FNBP1: variants seen among roughly 807,000 people sequenced by gnomAD.
The protein encoded by FNBP1 is formin binding protein 1.
In FNBP1, 26 loss-of-function variants were observed where a neutral mutation model predicts 90.6. That is an observed-to-expected ratio of 0.29 (90% CI 0.21 to 0.40). The LOEUF (loss-of-function observed/expected upper bound fraction) is 0.40. Among genes scored for constraint, FNBP1 ranks in the 10% least tolerant of loss-of-function variants. The pLI is 1.00. For missense variants in FNBP1, 635 were observed against 768.0 expected (o/e 0.83, Z 2.05); for synonymous variants, 260 against 265.2 (o/e 0.98, Z 0.19).
At chr9:129,983,522 A>C (rs2051628095) in intron 2 of FNBP1, among the ~76,000 whole-genome samples, 1 of 152,198 alleles carries the variant, frequency 6.6e-6, no homozygotes, top group South Asian at 2.1e-4. Context: ...CCGTTATTTA[A>C]AAAATGAACA....
At chr9:129,903,656 T>A (rs1324488893) in intron 12 of FNBP1, among the ~76,000 whole-genome samples, 1 of 152,038 alleles carries the variant, frequency 6.6e-6, no homozygotes, top group Non-Finnish European at 1.5e-5. Context: ...AAATTTTTAA[T>A]TAATTAATTT....
chr9:129,994,676 T>A (rs2053715048), intron 2 of FNBP1, among the ~76,000 whole-genome samples, 167 bp downstream of exon 2: 1 of 152,232 alleles, frequency 6.6e-6, no homozygotes. Flanking sequence ...TTTTTAATGT[T>A]CTATGAAAAT....
chr9:129,956,592 C>T (rs1262914170), intron 6 of FNBP1, among the ~76,000 whole-genome samples: 2 of 152,154 alleles, frequency 1.3e-5, no homozygotes, highest in Non-Finnish European at 1.5e-5. Context: ...CTGAAATATG[C>T]AAGGCTTCAA....
At chr9:129,905,093 G>A (rs997435597) in intron 12 of FNBP1, among the ~76,000 whole-genome samples, 7 of 151,462 alleles carry the variant, frequency 4.6e-5, no homozygotes, top group Admixed American at 2.0e-4. Context: ...AACCCGTCTC[G>A]TCTCTTGACT....
chr9:129,974,158 A>T (rs1002425183), intron 4 of FNBP1, among the ~76,000 whole-genome samples: 1 of 151,410 alleles, frequency 6.6e-6, no homozygotes, highest in Non-Finnish European at 1.5e-5. Flanking sequence ...GCAGATGAGG[A>T]TGTTCATACT....
intron 13 of FNBP1, among the ~76,000 whole-genome samples, 200 bp downstream of exon 13, chr9:129,902,669 G>A (rs1375410442): frequency 2.0e-5 from 3 of 152,122 alleles, no homozygotes; most frequent in Non-Finnish European, 4.4e-5. Flanking sequence ...TTACAGCCAC[G>A]ATTAAGATAG....
chr9:129,923,001 A>ATGAGACAC (rs1316061866), intron 10 of FNBP1, among the ~76,000 whole-genome samples: 1 of 151,760 alleles, frequency 6.6e-6, no homozygotes, highest in African/African-American at 2.4e-5. Flanking sequence ...GATTACAGGC[A>ATGAGACAC]TGAGACACTG....
chr9:130,009,026 C>T (rs1004681868), intron 1 of FNBP1, among the ~76,000 whole-genome samples: 6 of 152,070 alleles, frequency 3.9e-5, no homozygotes, highest in African/African-American at 1.4e-4. Flanking sequence ...AAGAAAAAGC[C>T]AGATTTTTAA....
At chr9:129,923,707 T>G in intron 10 of FNBP1, 137 bp downstream of exon 10, 1 of 1,037,894 alleles carries the variant, frequency 9.6e-7, no homozygotes, top group Non-Finnish European at 1.3e-6. Context: ...CTATAATGGT[T>G]TTTGTTTTTT....
At chr9:130,049,526 C>T in the FNBP1 span, among the ~76,000 whole-genome samples, 10 of 152,000 alleles carry the variant, frequency 6.6e-5, no homozygotes, top group Admixed American at 2.0e-4. Flanking sequence ...CCAGCCTGGG[C>T]AACATGGCGA....
At chr9:129,921,894 G>A (rs1434454640) in intron 10 of FNBP1, among the ~76,000 whole-genome samples, 1 of 152,182 alleles carries the variant, frequency 6.6e-6, no homozygotes, top group South Asian at 2.1e-4. Flanking sequence ...ACTCAAGAAA[G>A]GATGGCATCC....
In FNBP1 at chr9:129,979,817, AT is replaced by A; in HGVS notation, c.141-444del. On this transcript the variant is annotated intron_variant, in intron 2 of 16. Transcript: ENST00000446176. ...ACCACATCTGGCTAATTTTTTTTGT[AT>A]TTTTAGTAGAGATGGGGTGTCATCA... Among the ~76,000 whole-genome samples the A allele has an allele frequency of 2.0e-5, 3 of 151,616 alleles. No homozygotes were observed. In the South Asian group the frequency reaches 6.2e-4, roughly 32 times the overall value.
At chr9:129,914,517 C>A (rs2039907307) in intron 11 of FNBP1, among the ~76,000 whole-genome samples, 1 of 151,656 alleles carries the variant, frequency 6.6e-6, no homozygotes, top group Admixed American at 6.6e-5. Context: ...CTGAGAAGGC[C>A]TCCTAGTCAA....
At chr9:129,944,035 C>A (rs1408502393) in intron 6 of FNBP1, among the ~76,000 whole-genome samples, 1 of 143,680 alleles carries the variant, frequency 7.0e-6, no homozygotes, top group Admixed American at 7.0e-5. Context: ...ATGATCTTCA[C>A]ACAAGTTGGC....
At chr9:130,050,658 TTTTA>T in the FNBP1 span, among the ~76,000 whole-genome samples, 12 of 151,050 alleles carry the variant, frequency 7.9e-5, no homozygotes, top group African/African-American at 2.9e-4. Flanking sequence ...CTTTTTTTTT[TTTTA>T]TTTGACAGGG....
At chr9:129,998,144 C>G (rs1002239259) in intron 1 of FNBP1, among the ~76,000 whole-genome samples, 1 of 141,994 alleles carries the variant, frequency 7.0e-6, no homozygotes, top group Non-Finnish European at 1.5e-5. Context: ...TGCAGTGAGC[C>G]GAGATTGTAC....
intron 2 of FNBP1, among the ~76,000 whole-genome samples, chr9:129,991,724 A>T (rs1250113452): frequency 6.8e-6 from 1 of 146,358 alleles, no homozygotes; most frequent in African/African-American, 2.6e-5. Context: ...CAGTGGTGTG[A>T]TCTTGGCTCA....
chr9:129,939,596 G>A (rs2044029784), intron 6 of FNBP1, among the ~76,000 whole-genome samples: 1 of 152,158 alleles, frequency 6.6e-6, no homozygotes, highest in Non-Finnish European at 1.5e-5. Flanking sequence ...AGTGGGGGAA[G>A]AGTGTCTTCT....
chr9:130,026,789 C>T (rs1564608898), intron 1 of FNBP1, among the ~76,000 whole-genome samples: 4 of 151,468 alleles, frequency 2.6e-5, no homozygotes, highest in African/African-American at 9.7e-5. Flanking sequence ...CCTGTCTCTA[C>T]CAAAAAACAA....
Sources: allele counts gnomAD v4.1 joint callset (sites outside exome capture counted in the v4.1 genomes callset), GRCh38; gene constraint gnomAD v4.1.1; transcripts MANE v1.5; gene names NCBI Gene and HGNC (gene_info 2026-07-23, HGNC 2026-07-21).